Variants in CDK6 observed in about 807,000 individuals in gnomAD.
CDK6 encodes cyclin dependent kinase 6, also known as cyclin-dependent kinase 6.
A neutral mutation model predicts 37.1 loss-of-function variants in CDK6; 6 were observed. The ratio of observed to expected loss-of-function variants is 0.16; its 90% confidence interval spans 0.09 to 0.32. CDK6 has a LOEUF of 0.32. Ranked by LOEUF, CDK6 falls within the 10% of genes least tolerant of loss-of-function variation. CDK6 has a pLI of 1.00. For missense variants in CDK6, 224 were observed against 418.9 expected, an observed-to-expected ratio of 0.53 and a Z score of 4.06; for synonymous variants, 160 against 161.3, an observed-to-expected ratio of 0.99 and a Z score of 0.06.
chr7:92,810,502 C>T, intron 2 of CDK6, among the ~76,000 whole-genome samples: 1 of 152,190 alleles, frequency 6.6e-6, no homozygotes, highest in Non-Finnish European at 1.5e-5. Flanking sequence ...CCCAGTCTCC[C>T]TCACTGCTGC....
intron 5 of CDK6, among the ~76,000 whole-genome samples, chr7:92,653,327 A>G (rs1237507455): frequency 6.6e-6 from 1 of 152,192 alleles, no homozygotes; most frequent in Non-Finnish European, 1.5e-5. Context: ...AGCAGCCCTA[A>G]GAATGCATCT....
intron 4 of CDK6, among the ~76,000 whole-genome samples, chr7:92,704,209 T>G (rs1335168383): frequency 6.6e-6 from 1 of 152,328 alleles, no homozygotes; most frequent in East Asian, 1.9e-4. Flanking sequence ...TTGTTTATCA[T>G]ACACCTTCCT....
At chr7:92,816,984 C>T (rs934506818) in intron 2 of CDK6, among the ~76,000 whole-genome samples, 5 of 151,766 alleles carry the variant, frequency 3.3e-5, no homozygotes, top group African/African-American at 1.2e-4. Context: ...TTGAAAAATA[C>T]AAAATTATAA....
At chr7:92,825,117 T>C (rs919651480) in intron 2 of CDK6, among the ~76,000 whole-genome samples, 7 of 152,124 alleles carry the variant, frequency 4.6e-5, no homozygotes, top group Non-Finnish European at 1.0e-4. Context: ...GTGAAACAAA[T>C]TGCAGACCAC....
chr7:92,711,822 C>A (rs945529262), intron 4 of CDK6, among the ~76,000 whole-genome samples: 24 of 151,536 alleles, frequency 1.6e-4, no homozygotes, highest in Non-Finnish European at 4.4e-5. Flanking sequence ...CCCGCCTCAG[C>A]CTCCCAAAGT....
intron 4 of CDK6, among the ~76,000 whole-genome samples, chr7:92,687,828 C>G (rs965536848): frequency 1.3e-5 from 2 of 152,178 alleles, no homozygotes; most frequent in African/African-American, 4.8e-5. Context: ...ACCATTCCTG[C>G]ACCCCTATTT....
intron 4 of CDK6, among the ~76,000 whole-genome samples, chr7:92,715,931 G>A (rs1681777654): frequency 6.6e-6 from 1 of 152,152 alleles, no homozygotes; most frequent in African/African-American, 2.4e-5. Flanking sequence ...ACATCTAAGT[G>A]CACAAGTCAG....
chr7:92,778,576 T>A (rs1012346738), intron 2 of CDK6, among the ~76,000 whole-genome samples: 4 of 152,204 alleles, frequency 2.6e-5, no homozygotes, highest in Admixed American at 2.0e-4. Context: ...CAGGCTTTTT[T>A]AAGCCAGCTT....
chr7:92,687,149 G>A (rs1797475967), intron 4 of CDK6, among the ~76,000 whole-genome samples: 1 of 152,168 alleles, frequency 6.6e-6, no homozygotes, highest in Non-Finnish European at 1.5e-5. Flanking sequence ...CTCTGTGAAA[G>A]TCTTCCAGAA....
chr7:92,715,411 C>CT (rs1247123089), intron 4 of CDK6, among the ~76,000 whole-genome samples: 5 of 152,190 alleles, frequency 3.3e-5, no homozygotes, highest in Admixed American at 2.0e-4. Flanking sequence ...TTCTCCTACG[C>CT]TTTCCCCTTT....
intron 2 of CDK6, among the ~76,000 whole-genome samples, chr7:92,817,256 AT>A (rs1479054911): frequency 6.6e-6 from 1 of 151,968 alleles, no homozygotes; most frequent in Non-Finnish European, 1.5e-5. Flanking sequence ...GGCCAATATC[AT>A]TCATGAATAT....
chr7:92,725,826 A>T (rs1798498471), intron 3 of CDK6, 33 bp from the exon 4 acceptor site: 2 of 1,587,266 alleles, frequency 1.3e-6, no homozygotes, highest in African/African-American at 2.7e-5. Context: ...ATCAGTAAAC[A>T]CTCAAAACGG....
At chr7:92,667,705 C>A (rs549252242) in intron 5 of CDK6, among the ~76,000 whole-genome samples, 1 of 152,078 alleles carries the variant, frequency 6.6e-6, no homozygotes, top group Non-Finnish European at 1.5e-5. Flanking sequence ...GCACACACCA[C>A]CATGTCTGGT....
intron 4 of CDK6, among the ~76,000 whole-genome samples, chr7:92,673,743 C>T (rs1371889129): frequency 6.6e-6 from 1 of 151,782 alleles, no homozygotes; most frequent in Non-Finnish European, 1.5e-5. Flanking sequence ...GTGGGCTGAA[C>T]TTTTTGGGTT....
chr7:92,746,100 T>G (rs1415854892), intron 3 of CDK6, among the ~76,000 whole-genome samples: 1 of 152,220 alleles, frequency 6.6e-6, no homozygotes, highest in East Asian at 1.9e-4. Flanking sequence ...CTTATAGGTC[T>G]ATGTCATTCT....
chr7:92,754,832 A>G (rs1799273476), intron 3 of CDK6, among the ~76,000 whole-genome samples: 1 of 152,190 alleles, frequency 6.6e-6, no homozygotes, highest in Non-Finnish European at 1.5e-5. Context: ...ACAGTCAGCA[A>G]GATGGATCTT....
intron 2 of CDK6, among the ~76,000 whole-genome samples, chr7:92,824,839 G>A (rs1801270634): frequency 6.6e-6 from 1 of 152,050 alleles, no homozygotes; most frequent in Admixed American, 6.6e-5. Flanking sequence ...GGTCTAAAGA[G>A]CAGTAGTAAT....
chr7:92,730,444 G>C (rs1474413345), intron 3 of CDK6, among the ~76,000 whole-genome samples: 2 of 152,242 alleles, frequency 1.3e-5, no homozygotes, highest in East Asian at 3.9e-4. Flanking sequence ...AAACCAATAA[G>C]AACATGTTGA....
chr7:92,644,888 AG>A (rs1275661940), intron 5 of CDK6, among the ~76,000 whole-genome samples: 2 of 152,194 alleles, frequency 1.3e-5, no homozygotes, highest in Admixed American at 1.3e-4. Flanking sequence ...CCAGATTGTG[AG>A]GCCACAGGGT....
Sources: gnomAD v4.1 joint callset for allele counts (sites outside exome capture counted in the v4.1 genomes callset) on GRCh38, gnomAD v4.1.1 for gene constraint, MANE v1.5 for transcripts, NCBI Gene and HGNC (gene_info 2026-07-23, HGNC 2026-07-21) for gene names.